Variants in MEGF11 observed in about 807,000 individuals in gnomAD.
MEGF11 encodes multiple EGF like domains 11.
MEGF11 carries 126 observed loss-of-function variants against 146.6 expected under a neutral mutation model. The ratio of observed to expected loss-of-function variants is 0.86; its 90% confidence interval spans 0.74 to 1.00. The LOEUF (loss-of-function observed/expected upper bound fraction) is 1.00. MEGF11 is among the 50% of genes least tolerant of loss of function. MEGF11 has a pLI of 0.00. For synonymous variants in MEGF11, 532 were observed against 583.4 expected, an observed-to-expected ratio of 0.91 and a Z score of 1.27; for missense variants, 1,509 against 1,521.2, an observed-to-expected ratio of 0.99 and a Z score of 0.13.
At chr15:66,036,443 C>T (rs974665186) in intron 5 of MEGF11, among the ~76,000 whole-genome samples, 7 of 152,224 alleles carry the variant, frequency 4.6e-5, no homozygotes, top group Non-Finnish European at 1.0e-4. Flanking sequence ...TTCATTTTCA[C>T]GGCCACACAG....
chr15:66,067,263 T>C (rs2085168102), intron 5 of MEGF11, among the ~76,000 whole-genome samples: 1 of 152,236 alleles, frequency 6.6e-6, no homozygotes, highest in Non-Finnish European at 1.5e-5. Flanking sequence ...ACTAAATCCC[T>C]GTACGTTACT....
intron 1 of MEGF11, among the ~76,000 whole-genome samples, chr15:66,131,006 A>G (rs764467571): frequency 6.6e-6 from 1 of 152,228 alleles, no homozygotes; most frequent in Non-Finnish European, 1.5e-5. Flanking sequence ...GGCATTAATA[A>G]TTAAATAAGA....
chr15:66,212,731 G>C (rs1028173525), intron 1 of MEGF11, among the ~76,000 whole-genome samples: 1 of 152,152 alleles, frequency 6.6e-6, no homozygotes, highest in Non-Finnish European at 1.5e-5. Flanking sequence ...AGGCTTGCTG[G>C]CAGATGTCCT....
At chr15:66,103,002 ACT>A (rs1264657199) in intron 4 of MEGF11, among the ~76,000 whole-genome samples, 1 of 152,246 alleles carries the variant, frequency 6.6e-6, no homozygotes, top group Non-Finnish European at 1.5e-5. Flanking sequence ...AGTGGAAAGC[ACT>A]GTTATTATCC....
At chr15:66,017,735 G>A (rs756818258) in intron 5 of MEGF11, among the ~76,000 whole-genome samples, 5 of 152,212 alleles carry the variant, frequency 3.3e-5, no homozygotes, top group Admixed American at 6.5e-5. Flanking sequence ...TGCTCCAGGC[G>A]CAGAATGACC....
chr15:66,003,889 A>G (rs2082440162), intron 5 of MEGF11, among the ~76,000 whole-genome samples: 1 of 152,012 alleles, frequency 6.6e-6, no homozygotes, highest in African/African-American at 2.4e-5. Flanking sequence ...TCCTGCACCC[A>G]CAGTCCTGCT....
chr15:66,213,017 T>G (rs1050297145), intron 1 of MEGF11, among the ~76,000 whole-genome samples: 2 of 152,048 alleles, frequency 1.3e-5, no homozygotes, highest in African/African-American at 4.8e-5. Flanking sequence ...AGAAGCTGTT[T>G]GGTGATATCG....
chr15:66,240,386 C>T (rs1228919290), intron 1 of MEGF11, among the ~76,000 whole-genome samples: 4 of 152,240 alleles, frequency 2.6e-5, no homozygotes, highest in African/African-American at 9.6e-5. Context: ...CAGCCAAGGT[C>T]CCCTAGAGCT....
At chr15:66,117,921 A>G (rs561672599) in intron 4 of MEGF11, among the ~76,000 whole-genome samples, 3 of 152,278 alleles carry the variant, frequency 2.0e-5, no homozygotes, top group South Asian at 2.1e-4. Context: ...TTGTAATGCA[A>G]TTAGAATTGA....
At chr15:66,209,678 G>T (rs902650189) in intron 1 of MEGF11, among the ~76,000 whole-genome samples, 3 of 152,062 alleles carry the variant, frequency 2.0e-5, no homozygotes, top group Non-Finnish European at 4.4e-5. Flanking sequence ...CATACTATAG[G>T]ACTCCATTTA....
At chr15:66,250,763 C>T (rs2092359472) in intron 1 of MEGF11, among the ~76,000 whole-genome samples, 1 of 152,040 alleles carries the variant, frequency 6.6e-6, no homozygotes, top group Non-Finnish European at 1.5e-5. Flanking sequence ...AAAAATTAGC[C>T]TGGCATGGTG....
chr15:66,020,376 C>T (rs959388416), intron 5 of MEGF11, among the ~76,000 whole-genome samples: 2 of 152,108 alleles, frequency 1.3e-5, no homozygotes, highest in African/African-American at 2.4e-5. Context: ...AAAGGAAAAC[C>T]GAGGCAAGGT....
chr15:65,922,041 G>A (rs761277221), intron 15 of MEGF11: 24 of 414,394 alleles, frequency 5.8e-5, no homozygotes, highest in Non-Finnish European at 9.3e-5. Context: ...AGATCTCTGT[G>A]CTTGTTTCAC....
At chr15:65,953,769 A>G (rs1173242446) in intron 10 of MEGF11, among the ~76,000 whole-genome samples, 1 of 151,762 alleles carries the variant, frequency 6.6e-6, no homozygotes, top group African/African-American at 2.4e-5. Flanking sequence ...CAGAGCCCCA[A>G]GCAGGACCTG....
intron 15 of MEGF11, among the ~76,000 whole-genome samples, chr15:65,920,155 ACT>A (rs1368199051): frequency 8.5e-5 from 13 of 152,160 alleles, no homozygotes; most frequent in African/African-American, 2.4e-4. Flanking sequence ...CTTTGAGCAA[ACT>A]CTCTGTTTCC....
chr15:65,922,144 G>A, intron 15 of MEGF11, 194 bp downstream of exon 15: 2 of 618,090 alleles, frequency 3.2e-6, no homozygotes, highest in East Asian at 3.1e-5. Flanking sequence ...ACTTCTGTGA[G>A]GCTGTTAACT....
chr15:66,249,699 T>G (rs920381705), intron 1 of MEGF11, among the ~76,000 whole-genome samples: 1 of 152,210 alleles, frequency 6.6e-6, no homozygotes, highest in African/African-American at 2.4e-5. Context: ...TTCTACCACA[T>G]TGATTCTCAA....
intron 5 of MEGF11, among the ~76,000 whole-genome samples, chr15:66,053,696 T>TC (rs2140363153): frequency 7.6e-6 from 1 of 130,810 alleles, no homozygotes; most frequent in South Asian, 2.6e-4. Flanking sequence ...AGGACTCAGC[T>TC]CCCCCTCCCC....
At chr15:66,135,761 G>T (rs2088860308) in intron 1 of MEGF11, among the ~76,000 whole-genome samples, 1 of 152,108 alleles carries the variant, frequency 6.6e-6, no homozygotes, top group Admixed American at 6.5e-5. Context: ...TCCTGTAGGG[G>T]CTCAGAGAGC....
Sources: allele counts gnomAD v4.1 joint callset (sites outside exome capture counted in the v4.1 genomes callset), GRCh38; gene constraint gnomAD v4.1.1; transcripts MANE v1.5; gene names NCBI Gene and HGNC (gene_info 2026-07-23, HGNC 2026-07-21).